Variants in SEC16B observed in about 807,000 individuals in gnomAD.
SEC16B encodes protein transport protein Sec16B.
In SEC16B, 115 loss-of-function variants were observed where a neutral mutation model predicts 141.8. The ratio of observed to expected loss-of-function variants is 0.81; its 90% CI spans 0.70 to 0.95. The LOEUF (loss-of-function observed/expected upper bound fraction) is 0.95, where lower values mean the gene tolerates loss of function less well. SEC16B is among the 40% of genes least tolerant of loss of function. The pLI, the probability that SEC16B is intolerant of heterozygous loss-of-function variation, is 0.00. For missense variants in SEC16B, 1,291 were observed against 1,312.3 expected, an observed-to-expected ratio of 0.98 and a Z score of 0.25; for synonymous variants, 493 against 492.5, an observed-to-expected ratio of 1.00 and a Z score of -0.01.
chr1:177,934,670 C>T (rs1650703340), intron 20 of SEC16B, among the ~76,000 whole-genome samples: 1 of 152,100 alleles, frequency 6.6e-6, no homozygotes, highest in South Asian at 2.1e-4. Flanking sequence ...TCGGGTCACA[C>T]AGCTCATAAA....
chr1:177,947,692 C>G (rs79690798), intron 13 of SEC16B, 133 bp downstream of exon 13: 2 of 423,628 alleles, frequency 4.7e-6, no homozygotes, highest in African/African-American at 2.6e-5. Context: ...CTGACCTGGA[C>G]GGGGAGGGGA....
At chr1:177,941,118 G>A (rs1651239805) in intron 16 of SEC16B, among the ~76,000 whole-genome samples, 1 of 152,198 alleles carries the variant, frequency 6.6e-6, no homozygotes, top group East Asian at 1.9e-4. Context: ...CTAAGAGTCT[G>A]CACTTTTAAC....
At chr1:177,937,141 C>G (rs1650901086) in intron 19 of SEC16B, 73 bp downstream of exon 19, 2 of 1,492,016 alleles carry the variant, frequency 1.3e-6, no homozygotes, top group African/African-American at 1.4e-5. Flanking sequence ...ACTGGTCCCA[C>G]CACCTCCCTT....
At chr1:177,963,350 A>C (rs1188294608) in intron 5 of SEC16B, among the ~76,000 whole-genome samples, 3 of 151,828 alleles carry the variant, frequency 2.0e-5, no homozygotes, top group African/African-American at 7.2e-5. Context: ...CAGGCCTGTA[A>C]TCCCAGCACT....
rs1652619762 is a variant in SEC16B at position 177,956,583 on chromosome 1, T to C, written c.1365+1549A>G. The stretch of plus-strand genomic sequence containing the variant: ...AATTTTTGAATTAAATTGATTCAAA[T>C]TGATTTTAATTATCTATCCAAATAC... On this transcript the variant is annotated intron_variant, in intron 10 of 25. Transcript: ENST00000308284. 5.4e-5 allele frequency among the ~76,000 whole-genome samples: 8 copies of C among 149,090 alleles called. No homozygotes were observed. The Admixed American group carries it at 5.4e-4, about 10-fold the overall frequency.
rs774449697 is a variant in SEC16B at position 177,937,532 on chromosome 1, G to T, written c.2204-19C>A. The T allele has an allele frequency of 1.3e-6, 2 of 1,491,408 alleles. No homozygotes were observed. Among genetic ancestry groups the T allele is most frequent in the South Asian group, 1.4e-5 (1 of 72,114 alleles). The allele number at this position is 1,491,408 out of a possible 1,614,324, so 92.4% of individuals were successfully genotyped here. On this transcript the variant is annotated intron_variant, in intron 18 of 25. Transcript: ENST00000308284. ...GTGTTTTCTAAGGACGTGGAACAAA[G>T]GTAAAGAAGTCAGACCTGAAATGCG...
In SEC16B at chr1:177,933,333, T is replaced by C. The variant is rs997546021; in HGVS notation, c.2725-21A>G. 3 of 1,582,550 alleles carry C rather than the reference T, an allele frequency of 1.9e-6. No homozygotes were observed. In the South Asian group the frequency reaches 3.5e-5, roughly 18 times the overall value. On this transcript the variant is annotated intron_variant, in intron 21 of 25. Coordinates refer to ENST00000308284, the MANE Select transcript of SEC16B (RefSeq NM_033127.4). ...GAGCTCTGGAAGGGGAAGAGGACAT[T>C]TTATGACCTGCAGGTTGGCTTCTTC...
At chr1:177,971,450 T>C (rs1419526022), upstream of SEC16B, 3 of 151,826 alleles carry the variant, frequency 2.0e-5, no homozygotes, top group African/African-American at 7.3e-5. Flanking sequence ...TTGTTTTTAA[T>C]CCTTCTGGGA....
rs3813649 is a variant in SEC16B, at chr1:177,933,590, C to T, written c.2618G>A (p.Ser873Asn). 396,450 of 1,612,540 alleles carry T rather than the reference C, an allele frequency of 0.25. 49,491 individuals are homozygous for T. The highest frequency in any genetic ancestry group is 0.26 in the Middle Eastern group (1,580 of 6,056). ...CTCCTTCTCATCCTCCTTGGCTGAA[C>T]TGGCGGAACTCTCAGAAATACTTCG... ...RPRSISESSA[S>N]SAKEDEKESS... Residue 873 changes from serine (S) to asparagine (N), a missense_variant, in exon 21 of 26, where the codon AGT (serine) becomes AAT (asparagine). This residue lies in a region of SEC16B where 605 missense variants were observed against 614.1 expected (regional missense o/e 0.99). Transcript: ENST00000308284.
At position 177,941,921 on chromosome 1, in the gene SEC16B, C is replaced by A. The variant is rs781308412; in HGVS notation, c.2001G>T (p.Val667=). 2 of 1,613,998 alleles carry A rather than the reference C, an allele frequency of 1.2e-6. No homozygotes were observed. Among genetic ancestry groups the A allele is most frequent in the Non-Finnish European group, 1.7e-6 (2 of 1,179,872 alleles). ...VLSQGESSHP[V]LLVELIKLAE... ...TCACCTTGATGAGTTCCACTAATAG[C>A]ACAGGGTGACTGCTCTCTCCCTGGC... The change falls in exon 16 of 26, where the codon GTG becomes GTT. Residue 667 remains valine, a synonymous_variant. Transcript: ENST00000308284.
chr1:177,939,136 C>T (rs535491868), intron 18 of SEC16B, among the ~76,000 whole-genome samples: 18 of 152,300 alleles, frequency 1.2e-4, no homozygotes, highest in South Asian at 8.3e-4. Context: ...TGGGAAGAGA[C>T]GGGGGCCCTT....
At chr1:177,930,734 G>GT in intron 24 of SEC16B, 91 bp from the exon 25 acceptor site, 9 of 865,452 alleles carry the variant, frequency 1.0e-5, no homozygotes, top group Non-Finnish European at 1.6e-5. Context: ...AGGATTATTT[G>GT]TTTTTTTCTC....
chr1:177,954,296 G>T lies in SEC16B; in HGVS notation c.1446C>A (p.Tyr482Ter), dbSNP rs34201585. The change falls in exon 11 of 26, where the codon TAC (tyrosine) becomes TAA (stop). Residue 482 changes from tyrosine (Y) to a stop codon, truncating the protein, a stop_gained. Coordinates refer to ENST00000308284, the MANE Select transcript of SEC16B (RefSeq NM_033127.4). LOFTEE classifies it high-confidence loss of function. ...FLSSKMDPQT[Y>*]SWVMSGFTST... Reference sequence around the variant, plus strand: ...TGACTCACCCACTCATGACCCAGCTGTAGGTCTGTGGGTCCATCTTGCTGG... The same window carrying T: ...TGACTCACCCACTCATGACCCAGCTTTAGGTCTGTGGGTCCATCTTGCTGG... 1 of 1,566,512 alleles carries T rather than the reference G, an allele frequency of 6.4e-7. No individual in the cohort carries two copies. The highest frequency in any genetic ancestry group is 1.9e-5 in the Admixed American group (1 of 53,304).
intron 1 of SEC16B, among the ~76,000 whole-genome samples, chr1:177,983,968 G>A (rs1025815844): frequency 1.1e-4 from 17 of 152,146 alleles, no homozygotes; most frequent in African/African-American, 3.9e-4. Flanking sequence ...AAGGAGTTAG[G>A]GTTGGAAATT....
At position 177,967,695 on chromosome 1, in the gene SEC16B, T is replaced by C. The variant is rs372870436; in HGVS notation, c.287A>G (p.Gln96Arg). The C allele has an allele frequency of 1.2e-6, 2 of 1,600,620 alleles. No homozygotes were observed. The highest frequency in any genetic ancestry group is 1.7e-6 in the Non-Finnish European group (2 of 1,170,840). The change falls in exon 2 of 26, where the codon CAG (glutamine) becomes CGG (arginine). Residue 96 changes from glutamine (Q) to arginine (R), a missense_variant. Transcript: ENST00000308284. ...CCTAAAGCCATACCTTGAATACAAC[T>C]GATTGCGATAACCACCTTCGTAATA... ...VDYYEGGYRN[Q>R]LYSRPGYENS...
intron 18 of SEC16B, 121 bp from the exon 19 acceptor site, chr1:177,937,634 T>A: frequency 1.3e-6 from 1 of 772,606 alleles, no homozygotes; most frequent in Non-Finnish European, 2.0e-6. Context: ...ACGAGCTGTC[T>A]AATGCGGCTT....
chr1:177,946,372 G>A, intron 14 of SEC16B, 48 bp downstream of exon 14: 3 of 1,338,596 alleles, frequency 2.2e-6, no homozygotes, highest in Non-Finnish European at 3.2e-6. Flanking sequence ...GGCTAAAACA[G>A]TCCCTTGGAA....
chr1:177,933,102 C>G (rs907718354), intron 22 of SEC16B, 112 bp downstream of exon 22: 1 of 821,064 alleles, frequency 1.2e-6, no homozygotes, highest in African/African-American at 1.7e-5. Flanking sequence ...ACCTCTGTCT[C>G]ATGTGGCCTG....
intron 13 of SEC16B, 126 bp from the exon 14 acceptor site, chr1:177,946,657 T>C (rs1651741423): frequency 1.5e-6 from 1 of 653,056 alleles, no homozygotes; most frequent in Admixed American, 2.6e-5. Flanking sequence ...CACATGGGAC[T>C]AAATGAATGA....
Sources: gnomAD v4.1 joint callset for allele counts (sites outside exome capture counted in the v4.1 genomes callset) on GRCh38, gnomAD v4.1.1 for gene constraint, gnomAD v4.1.1 regional missense constraint, MANE v1.5 for transcripts, NCBI Gene and HGNC (gene_info 2026-07-23, HGNC 2026-07-21) for gene names.